PIK3R5: variants seen among roughly 807,000 people sequenced by gnomAD.
PIK3R5 encodes phosphoinositide-3-kinase regulatory subunit 5.
In PIK3R5, 32 loss-of-function variants were observed where a neutral mutation model predicts 94.9. The observed-to-expected ratio is 0.34, with a 90% confidence interval of 0.25 to 0.45. The LOEUF (loss-of-function observed/expected upper bound fraction) is 0.45. Ranked by LOEUF, PIK3R5 falls within the 20% of genes least tolerant of loss-of-function variation. The pLI is 1.00. For missense variants in PIK3R5, 853 were observed against 1,144.6 expected (o/e 0.75, Z 3.68); for synonymous variants, 443 against 479.4 (o/e 0.92, Z 0.99).
Position 8,881,583 on chromosome 17 carries a change from C to CAGTA in PIK3R5, c.2382+43_2382+46dup, listed in dbSNP as rs35080160. On this transcript the variant is annotated intron_variant, in intron 17 of 18. Transcript: ENST00000447110. This position sits in a 1 kb window ranked among gnomAD's most constrained non-coding sequence, Gnocchi z 4.8. ...TACACACATACGCACATGCACGCTCCAGTAAGTCTCTTGAGGGTATGGCTG... is the reference window on the plus strand; with the variant it reads ...TACACACATACGCACATGCACGCTCCAGTAAGTAAGTCTCTTGAGGGTATGGCTG... 0.29 allele frequency: 426,381 copies of CAGTA among 1,452,348 alleles called. 68,480 individuals carry two copies. The highest frequency in any genetic ancestry group is 0.45 in the African/African-American group (32,429 of 71,474). 90.0% of individuals were successfully genotyped at this position (1,452,348 alleles called of 1,614,324 possible). A position where few individuals can be genotyped will look rare whatever the true frequency, so the allele number is the denominator to read the frequency against.
In PIK3R5 at chr17:8,881,436, A is replaced by C; in HGVS notation, c.2382+194T>G. On this transcript the variant is annotated intron_variant, in intron 17 of 18. Transcript: ENST00000447110. This position sits in a 1 kb window ranked among gnomAD's most constrained non-coding sequence, Gnocchi z 4.8. ...ACACTCCACACCTGTGTGCATCCCC[A>C]AATCATACCCCTCACCCTGCCTCTC... Among the ~76,000 whole-genome samples the C allele has an allele frequency of 6.7e-6, 1 of 150,130 alleles. No individual in the cohort carries two copies.
At chr17:8,957,861 G>A (rs1410281694) in intron 1 of PIK3R5, among the ~76,000 whole-genome samples, 1 of 152,176 alleles carries the variant, frequency 6.6e-6, no homozygotes, top group Non-Finnish European at 1.5e-5. Flanking sequence ...CGTTCTCCCA[G>A]CTTCCAAGGA....
At chr17:8,905,611 A>C in intron 4 of PIK3R5, 58 bp downstream of exon 4, 1 of 1,289,812 alleles carries the variant, frequency 7.8e-7, no homozygotes, top group Non-Finnish European at 1.1e-6. Flanking sequence ...TGCCCCAGAT[A>C]GAGGTCGCTC....
intron 1 of PIK3R5, among the ~76,000 whole-genome samples, chr17:8,932,331 T>A (rs865840042): frequency 1.3e-5 from 2 of 152,116 alleles, no homozygotes; most frequent in South Asian, 4.1e-4. Context: ...CCTCCCAGGT[T>A]TAAGCAATTC....
In PIK3R5 at chr17:8,932,437, G is replaced by T. The variant is rs529887917; in HGVS notation, c.-13-20930C>A. On this transcript the variant is annotated intron_variant, in intron 1 of 18. Transcript: ENST00000447110. The stretch of plus-strand genomic sequence containing the variant: ...TTTAATAGAGACAGGGTTTCACCAT[G>T]TGGGTTAGGCTGGTCTCGAACTCCT... 2.0e-5 allele frequency among the ~76,000 whole-genome samples: 3 copies of T among 152,256 alleles called. No homozygotes were observed. In the East Asian group the frequency reaches 5.8e-4, roughly 29 times the overall value.
intron 1 of PIK3R5, among the ~76,000 whole-genome samples, chr17:8,939,662 C>T (rs1044019489): frequency 1.3e-5 from 2 of 152,176 alleles, no homozygotes; most frequent in African/African-American, 4.8e-5. Context: ...TTTTTGCCTA[C>T]GTTCAAATGC....
At chr17:8,931,499 T>A (rs2090987024) in intron 1 of PIK3R5, among the ~76,000 whole-genome samples, 1 of 152,096 alleles carries the variant, frequency 6.6e-6, no homozygotes, top group South Asian at 2.1e-4. Flanking sequence ...TTTCGCTGGG[T>A]TTCTGCTGGA....
In PIK3R5 at chr17:8,879,295, AG is replaced by A. The variant is rs1409447663; in HGVS notation, c.*1343del. On this transcript the variant is annotated 3_prime_UTR_variant, in exon 19 of 19. Coordinates refer to ENST00000447110, the MANE Select transcript of PIK3R5 (RefSeq NM_001142633.3). This position sits in a 1 kb window ranked among gnomAD's most constrained non-coding sequence, Gnocchi z 4.4. ...GTCTTGACTTCTGCCCTATCTCTCT[AG>A]CCCATGTTTGCTTCCAGCTTCTCAA... The A allele has an allele frequency of 3.3e-5, 5 of 152,234 alleles. No homozygotes were observed. Among genetic ancestry groups the A allele is most frequent in the African/African-American group, 1.2e-4 (5 of 41,456 alleles). 9.4% of individuals were successfully genotyped at this position (152,234 alleles called of 1,614,324 possible). A position where few individuals can be genotyped will look rare whatever the true frequency, so the allele number is the denominator to read the frequency against.
At chr17:8,924,929 A>G (rs1385595235) in intron 1 of PIK3R5, among the ~76,000 whole-genome samples, 1 of 152,246 alleles carries the variant, frequency 6.6e-6, no homozygotes, top group Non-Finnish European at 1.5e-5. Flanking sequence ...TCTAATGGAC[A>G]ACTTACTATG....
intron 1 of PIK3R5, among the ~76,000 whole-genome samples, chr17:8,928,875 GTTTTCT>G (rs529541698): frequency 3.0e-4 from 46 of 152,178 alleles, no homozygotes; most frequent in Non-Finnish European, 5.7e-4. Flanking sequence ...CTCCTCTTGA[GTTTTCT>G]AAGTTATCTT....
chr17:8,916,499 C>T (rs2090633807), intron 1 of PIK3R5: 1 of 148,842 alleles, frequency 6.7e-6, no homozygotes, highest in South Asian at 2.1e-4. Context: ...CCGCCCCCGC[C>T]ACCAATTCCC....
intron 1 of PIK3R5, among the ~76,000 whole-genome samples, chr17:8,927,203 C>A (rs528144926): frequency 1.3e-5 from 2 of 152,348 alleles, no homozygotes; most frequent in South Asian, 4.1e-4. Flanking sequence ...AGCCTGCTCT[C>A]TCTAGCCAAA....
Position 8,896,380 on chromosome 17 carries a change from T to C in PIK3R5, c.413-2725A>G, listed in dbSNP as rs76141453. Among the ~76,000 whole-genome samples the C allele has an allele frequency of 7.3e-3, 1,106 of 152,294 alleles. 7 individuals carry two copies. The highest frequency in any genetic ancestry group is 9.9e-3 in the Non-Finnish European group (671 of 68,034). Reference sequence around the variant, plus strand: ...CCCTTTGATCTTAGATCACACCCTTTCTTGGTCACCTTAGCAGATGGAAAC... The same window carrying C: ...CCCTTTGATCTTAGATCACACCCTTCCTTGGTCACCTTAGCAGATGGAAAC... On this transcript the variant is annotated intron_variant, in intron 5 of 18. Coordinates refer to ENST00000447110, the MANE Select transcript of PIK3R5 (RefSeq NM_001142633.3). This position sits in a 1 kb window ranked among gnomAD's most constrained non-coding sequence, Gnocchi z 4.0.
At position 8,886,332 on chromosome 17, in the gene PIK3R5, G is replaced by C. The variant is rs370133888; in HGVS notation, c.2035-10C>G. The C allele has an allele frequency of 2.6e-5, 42 of 1,608,768 alleles. No individual in the cohort carries two copies. The African/African-American group carries it at 4.4e-4, about 17-fold the overall frequency. The stretch of plus-strand genomic sequence containing the variant: ...CAGTGATGAAGGTCAGCTGGAGAGG[G>C]CAGGAGCATGTACATCAGTGTGAAC... On this transcript the variant is annotated splice_polypyrimidine_tract_variant and intron_variant, in intron 13 of 18. Transcript: ENST00000447110.
At chr17:8,900,763 G>A (rs1225819183) in intron 5 of PIK3R5, among the ~76,000 whole-genome samples, 6 of 152,120 alleles carry the variant, frequency 3.9e-5, no homozygotes, top group African/African-American at 7.2e-5. Flanking sequence ...CAGCACCTCC[G>A]TGGCACATCT....
chr17:8,907,534 C>G (rs2090421982), intron 3 of PIK3R5, among the ~76,000 whole-genome samples: 1 of 150,932 alleles, frequency 6.6e-6, no homozygotes, highest in Non-Finnish European at 1.5e-5. Context: ...TGTCATATTG[C>G]TTTCCAAAAG....
intron 5 of PIK3R5, among the ~76,000 whole-genome samples, chr17:8,894,734 TG>T (rs945571418): frequency 2.6e-5 from 4 of 152,122 alleles, no homozygotes; most frequent in African/African-American, 9.7e-5. Context: ...GAGCAGGGGC[TG>T]GGGACCCAGC....
chr17:8,943,072 TTTTC>T (rs1206424129), intron 1 of PIK3R5, among the ~76,000 whole-genome samples: 3 of 151,392 alleles, frequency 2.0e-5, no homozygotes, highest in African/African-American at 7.3e-5. Context: ...ACCTTTTTCT[TTTTC>T]TTTTTTTTTT....
At chr17:8,897,342 C>G (rs1000167725) in intron 5 of PIK3R5, among the ~76,000 whole-genome samples, 1 of 152,156 alleles carries the variant, frequency 6.6e-6, no homozygotes, top group African/African-American at 2.4e-5. Context: ...ACTGGGCAGG[C>G]CTTCATGCAG....
Sources: allele counts gnomAD v4.1 joint callset (sites outside exome capture counted in the v4.1 genomes callset), GRCh38; gene constraint gnomAD v4.1.1; non-coding constraint Gnocchi (gnomAD v3.1); transcripts MANE v1.5; gene names NCBI Gene and HGNC (gene_info 2026-07-23, HGNC 2026-07-21).